The following LMX1A variants were observed in gnomAD, a reference collection of about 807,000 sequenced individuals.
LMX1A encodes the protein LIM homeobox transcription factor 1 alpha.
A neutral mutation model predicts 49.1 loss-of-function variants in LMX1A; 15 were observed. The observed-to-expected ratio is 0.31, with a 90% confidence interval of 0.20 to 0.47. The LOEUF (loss-of-function observed/expected upper bound fraction) is 0.47, where lower values mean the gene tolerates loss of function less well. Among genes scored for constraint, LMX1A ranks in the 20% least tolerant of loss-of-function variants. The pLI is 1.00. For missense variants in LMX1A, 372 were observed against 475.8 expected, an observed-to-expected ratio of 0.78 and a Z score of 2.03; for synonymous variants, 167 against 185.7, an observed-to-expected ratio of 0.90 and a Z score of 0.82.
intron 4 of LMX1A, among the ~76,000 whole-genome samples, chr1:165,240,144 C>T (rs1004354209): frequency 1.3e-5 from 2 of 152,280 alleles, no homozygotes; most frequent in East Asian, 3.9e-4. Flanking sequence ...AACTTATATA[C>T]ACACCTATAA....
At chr1:165,249,822 T>A (rs927144362) in intron 3 of LMX1A, among the ~76,000 whole-genome samples, 182 bp from the exon 4 acceptor site, 1 of 152,150 alleles carries the variant, frequency 6.6e-6, no homozygotes, top group Non-Finnish European at 1.5e-5. Context: ...TTCAGTTGAG[T>A]CATTCAAAGG....
rs181151782 is a variant in LMX1A, at chr1:165,201,970, G to A, written c.*1910C>T. On this transcript the variant is annotated 3_prime_UTR_variant, in exon 9 of 9. Coordinates refer to ENST00000342310, the MANE Select transcript of LMX1A (RefSeq NM_177398.4). ...ATAGTATCTCCTACATTCTCCAACT[G>A]GTCTTTACCACAGAAACCTGTGGGG... 6.6e-6 allele frequency: 1 copy of A among 151,638 alleles called. No individual in the cohort carries two copies. Among genetic ancestry groups the A allele is most frequent in the Non-Finnish European group, 1.5e-5 (1 of 67,948 alleles). The allele number at this position is 151,638 out of a possible 1,614,324, so 9.4% of individuals were successfully genotyped here.
intron 4 of LMX1A, among the ~76,000 whole-genome samples, chr1:165,232,509 A>C (rs763803747): frequency 6.6e-6 from 1 of 151,946 alleles, no homozygotes; most frequent in Non-Finnish European, 1.5e-5. Flanking sequence ...ACATTTCCAT[A>C]TTTTTTTTCA....
chr1:165,217,175 C>T (rs1651671205), intron 4 of LMX1A, among the ~76,000 whole-genome samples: 1 of 152,102 alleles, frequency 6.6e-6, no homozygotes, highest in Non-Finnish European at 1.5e-5. Flanking sequence ...TGGACTGTGC[C>T]TGTGTGCTTG....
chr1:165,328,147 T>C (rs1394046471), intron 3 of LMX1A, among the ~76,000 whole-genome samples: 6 of 152,218 alleles, frequency 3.9e-5, no homozygotes, highest in Non-Finnish European at 5.9e-5. Context: ...ACCTGCACCC[T>C]TGTTTAGTTC....
In LMX1A at chr1:165,203,666, A is replaced by G; in HGVS notation, c.*214T>C. The stretch of plus-strand genomic sequence containing the variant: ...TAAACACGTCTTCATATCTAATGCT[A>G]AGACTCTTATTAGAAACATTAAACT... On this transcript the variant is annotated 3_prime_UTR_variant, in exon 9 of 9. Transcript: ENST00000342310. 2.2e-6 allele frequency: 1 copy of G among 446,452 alleles called. No homozygotes were observed. The highest frequency in any genetic ancestry group is 3.2e-5 in the East Asian group (1 of 30,916). The allele number at this position is 446,452 out of a possible 1,614,324, so 27.7% of individuals were successfully genotyped here. A position where few individuals can be genotyped will look rare whatever the true frequency, so the allele number is the denominator to read the frequency against.
chr1:165,292,883 C>G (rs1285390996), intron 3 of LMX1A, among the ~76,000 whole-genome samples: 2 of 152,108 alleles, frequency 1.3e-5, no homozygotes, highest in Admixed American at 6.6e-5. Flanking sequence ...CTTTGGGAAG[C>G]TGAGGTGGGC....
chr1:165,239,417 G>A (rs1319888238), intron 4 of LMX1A, among the ~76,000 whole-genome samples: 1 of 152,152 alleles, frequency 6.6e-6, no homozygotes, highest in Non-Finnish European at 1.5e-5. Flanking sequence ...TCGGTAATTG[G>A]TAGAATTAAG....
intron 3 of LMX1A, among the ~76,000 whole-genome samples, chr1:165,331,506 C>G (rs1353183460): frequency 6.6e-6 from 1 of 152,086 alleles, no homozygotes; most frequent in African/African-American, 2.4e-5. Flanking sequence ...AATTCTAGAA[C>G]TAAAAAGAAC....
intron 3 of LMX1A, among the ~76,000 whole-genome samples, chr1:165,325,956 T>C (rs1449055170): frequency 6.6e-6 from 1 of 152,202 alleles, no homozygotes; most frequent in Non-Finnish European, 1.5e-5. Context: ...CTCCTCTTCC[T>C]TCCCCCATCC....
chr1:165,219,457 G>A (rs1651760734), intron 4 of LMX1A, among the ~76,000 whole-genome samples: 1 of 152,124 alleles, frequency 6.6e-6, no homozygotes, highest in Admixed American at 6.5e-5. Context: ...AGGGAGGAGG[G>A]AAAGAAAGAA....
At chr1:165,222,514 G>A (rs762294671) in intron 4 of LMX1A, among the ~76,000 whole-genome samples, 4 of 152,142 alleles carry the variant, frequency 2.6e-5, no homozygotes, top group Non-Finnish European at 4.4e-5. Context: ...AAATTAAATT[G>A]TTTCTAGGCA....
chr1:165,327,577 G>A (rs921263524), intron 3 of LMX1A, among the ~76,000 whole-genome samples: 2 of 152,322 alleles, frequency 1.3e-5, no homozygotes, highest in East Asian at 1.9e-4. Flanking sequence ...CAAAGGCAGC[G>A]ATTCCTCCAC....
At chr1:165,315,526 T>G (rs1217965548) in intron 3 of LMX1A, among the ~76,000 whole-genome samples, 12 of 152,238 alleles carry the variant, frequency 7.9e-5, no homozygotes, top group Admixed American at 7.8e-4. Context: ...AAATTACTTG[T>G]AGCTAAGGAG....
At chr1:165,350,604 C>G (rs1475749359) in intron 3 of LMX1A, among the ~76,000 whole-genome samples, 2 of 151,982 alleles carry the variant, frequency 1.3e-5, no homozygotes, top group Non-Finnish European at 2.9e-5. Flanking sequence ...TACCAACACG[C>G]AGACTAAGAC....
At chr1:165,268,520 T>TC (rs1329722348) in intron 3 of LMX1A, among the ~76,000 whole-genome samples, 2 of 152,200 alleles carry the variant, frequency 1.3e-5, no homozygotes, top group Non-Finnish European at 2.9e-5. Flanking sequence ...TAGTAAATAT[T>TC]CCCACATCTA....
At chr1:165,346,611 A>C (rs573679285) in intron 3 of LMX1A, among the ~76,000 whole-genome samples, 1 of 152,358 alleles carries the variant, frequency 6.6e-6, no homozygotes, top group South Asian at 2.1e-4. Context: ...GACAGGACCA[A>C]GTATACCCAC....
intron 3 of LMX1A, among the ~76,000 whole-genome samples, chr1:165,306,215 A>AG (rs1310050432): frequency 6.6e-6 from 1 of 152,180 alleles, no homozygotes; most frequent in Non-Finnish European, 1.5e-5. Flanking sequence ...GTAGATGTGT[A>AG]ACCTTGTGTG....
intron 3 of LMX1A, among the ~76,000 whole-genome samples, chr1:165,320,869 A>G (rs2101743635): frequency 6.6e-6 from 1 of 152,356 alleles, no homozygotes; most frequent in South Asian, 2.1e-4. Flanking sequence ...ATAAAGGTAG[A>G]AAGCAATGAC....
Sources: allele counts gnomAD v4.1 joint callset (sites outside exome capture counted in the v4.1 genomes callset), GRCh38; gene constraint gnomAD v4.1.1; transcripts MANE v1.5; gene names NCBI Gene and HGNC (gene_info 2026-07-23, HGNC 2026-07-21).